Variants in SGCZ observed in about 807,000 individuals in gnomAD.
SGCZ encodes sarcoglycan zeta.
A neutral mutation model predicts 41.3 loss-of-function variants in SGCZ; 40 were observed. That is an observed-to-expected ratio of 0.97 (90% confidence interval 0.75 to 1.26). SGCZ has a LOEUF of 1.26. SGCZ is among the 50% of genes most tolerant of loss of function. SGCZ has a pLI of 0.00. For synonymous variants in SGCZ, 206 were observed against 137.5 expected, an observed-to-expected ratio of 1.50 and a Z score of -3.49; for missense variants, 552 against 369.8, an observed-to-expected ratio of 1.49 and a Z score of -4.04.
intron 1 of SGCZ, among the ~76,000 whole-genome samples, chr8:14,612,627 C>T (rs1805965658): frequency 6.6e-6 from 1 of 152,052 alleles, no homozygotes; most frequent in African/African-American, 2.4e-5. Context: ...TTTATGAGGA[C>T]AGGTTTCTGC....
At chr8:14,552,027 T>C (rs1803885934) in intron 2 of SGCZ, among the ~76,000 whole-genome samples, 1 of 152,050 alleles carries the variant, frequency 6.6e-6, no homozygotes, top group Middle Eastern at 3.4e-3. Context: ...ATACAATAGT[T>C]ATAATGAAAG....
chr8:14,093,594 A>T (rs571331472), intron 7 of SGCZ, among the ~76,000 whole-genome samples: 1 of 152,214 alleles, frequency 6.6e-6, no homozygotes, highest in East Asian at 1.9e-4. Context: ...GGGGGGAGAT[A>T]TTAACTGGGT....
intron 1 of SGCZ, among the ~76,000 whole-genome samples, chr8:14,794,303 C>T (rs2130478972): frequency 6.6e-6 from 1 of 152,052 alleles, no homozygotes; most frequent in South Asian, 2.1e-4. Context: ...GGAAAAAGAA[C>T]ATTTCTTTAA....
chr8:15,099,468 T>C (rs1384424581), intron 1 of SGCZ, among the ~76,000 whole-genome samples: 1 of 152,118 alleles, frequency 6.6e-6, no homozygotes, highest in African/African-American at 2.4e-5. Context: ...AATCAAATAA[T>C]AGCTTCCCCA....
intron 1 of SGCZ, among the ~76,000 whole-genome samples, chr8:15,217,953 G>C (rs1801469539): frequency 6.6e-6 from 1 of 152,122 alleles, no homozygotes; most frequent in Admixed American, 6.5e-5. Flanking sequence ...AAACGGGGTG[G>C]CGTGTGCTTG....
intron 1 of SGCZ, among the ~76,000 whole-genome samples, chr8:15,083,916 T>C (rs1398060177): frequency 6.6e-6 from 1 of 152,146 alleles, no homozygotes; most frequent in Non-Finnish European, 1.5e-5. Flanking sequence ...GTTAAATTCT[T>C]CCCCATGTTT....
intron 1 of SGCZ, among the ~76,000 whole-genome samples, chr8:15,198,131 G>T (rs961366416): frequency 6.6e-6 from 1 of 150,798 alleles, no homozygotes; most frequent in South Asian, 2.1e-4. Context: ...TCAAGAAAGA[G>T]AAACAGAGAC....
intron 3 of SGCZ, among the ~76,000 whole-genome samples, chr8:14,250,265 A>G (rs111913009): frequency 1.6e-4 from 24 of 152,280 alleles, no homozygotes; most frequent in African/African-American, 5.5e-4. Context: ...CAATTGTTGC[A>G]AAAAAATTTT....
rs2116938797 is a variant in SGCZ at position 14,086,261 on chromosome 8, A to AT, written c.*4181dup. ...ATTTGGCTATTAAATACTTTCAATG[A>AT]TTTTAATAATTTAACATTATTATGT... On this transcript the variant is annotated 3_prime_UTR_variant, in exon 8 of 8. Transcript: ENST00000382080. 6.6e-6 allele frequency among the ~76,000 whole-genome samples: 1 copy of AT among 151,802 alleles called. No homozygotes were observed. Among genetic ancestry groups the AT allele is most frequent in the Admixed American group, 6.6e-5 (1 of 15,196 alleles).
At position 14,630,586 on chromosome 8, in the gene SGCZ, G is replaced by T. The variant is rs180785241; in HGVS notation, c.40-75660C>A. Among the ~76,000 whole-genome samples, 13 of 151,942 alleles carry T rather than the reference G, an allele frequency of 8.6e-5. No individual in the cohort carries two copies. In the East Asian group the frequency reaches 2.5e-3, roughly 29 times the overall value. On this transcript the variant is annotated intron_variant, in intron 1 of 7. Transcript: ENST00000382080. ...ACACATGCACACGTATGTTTATTGC[G>T]GCACTATTCACAATAGCAAAGACTT...
At chr8:14,362,486 G>A (rs555891600) in intron 2 of SGCZ, among the ~76,000 whole-genome samples, 10 of 151,898 alleles carry the variant, frequency 6.6e-5, no homozygotes, top group Non-Finnish European at 1.2e-4. Context: ...CTCCATGGGC[G>A]TGGGACCCAA....
chr8:14,763,180 A>G (rs1799942944), intron 1 of SGCZ, among the ~76,000 whole-genome samples: 1 of 152,162 alleles, frequency 6.6e-6, no homozygotes, highest in African/African-American at 2.4e-5. Flanking sequence ...AGTCTCAGAG[A>G]CTGGCCTGTC....
At chr8:14,534,433 T>C (rs1285792562) in intron 2 of SGCZ, among the ~76,000 whole-genome samples, 1 of 152,076 alleles carries the variant, frequency 6.6e-6, no homozygotes, top group African/African-American at 2.4e-5. Flanking sequence ...ATTTAGTTTC[T>C]AGCATTGTCA....
chr8:14,371,077 C>G (rs1041621731), intron 2 of SGCZ, among the ~76,000 whole-genome samples: 34 of 151,896 alleles, frequency 2.2e-4, no homozygotes, highest in African/African-American at 6.8e-4. Context: ...TTTTATTGTT[C>G]TTTTGTTTCA....
intron 1 of SGCZ, among the ~76,000 whole-genome samples, chr8:14,741,499 T>C (rs192761261): frequency 6.6e-6 from 1 of 152,216 alleles, no homozygotes; most frequent in African/African-American, 2.4e-5. Flanking sequence ...GTTTTAAGCA[T>C]TTTAGCTTCT....
chr8:14,759,791 A>G (rs952304528), intron 1 of SGCZ, among the ~76,000 whole-genome samples: 1 of 152,142 alleles, frequency 6.6e-6, no homozygotes, highest in Non-Finnish European at 1.5e-5. Context: ...TTAAACTCGT[A>G]TTAGTGAGTG....
At chr8:15,001,888 G>T (rs1268742764) in intron 1 of SGCZ, among the ~76,000 whole-genome samples, 1 of 152,100 alleles carries the variant, frequency 6.6e-6, no homozygotes, top group Non-Finnish European at 1.5e-5. Context: ...CAGCTGCATG[G>T]TTAGTAAGTG....
intron 2 of SGCZ, among the ~76,000 whole-genome samples, chr8:14,474,290 C>T (rs1801296841): frequency 6.6e-6 from 1 of 152,200 alleles, no homozygotes; most frequent in Admixed American, 6.5e-5. Flanking sequence ...CATATGCAAA[C>T]ATCCAAATTT....
intron 3 of SGCZ, among the ~76,000 whole-genome samples, chr8:14,283,066 C>G (rs989056657): frequency 1.3e-4 from 20 of 151,698 alleles, no homozygotes; most frequent in East Asian, 7.8e-4. Context: ...AGCCAGGATG[C>G]TCTCGATCTC....
Sources: allele counts gnomAD v4.1 joint callset (sites outside exome capture counted in the v4.1 genomes callset), GRCh38; gene constraint gnomAD v4.1.1; transcripts MANE v1.5; gene names NCBI Gene and HGNC (gene_info 2026-07-23, HGNC 2026-07-21).